Variants in EPHB1 observed in about 807,000 individuals in gnomAD.
EPHB1 encodes EPH receptor B1.
A neutral mutation model predicts 94.4 loss-of-function variants in EPHB1; 30 were observed. The ratio of observed to expected loss-of-function variants is 0.32; its 90% CI spans 0.24 to 0.43. The LOEUF is 0.43. EPHB1 is among the 20% of genes least tolerant of loss of function. The probability of loss-of-function intolerance (pLI) is 1.00; values close to 1 mark genes in which losing one functional copy is unlikely to be tolerated. For missense variants in EPHB1, 1,055 were observed against 1,308.3 expected (o/e 0.81, Z 2.99); for synonymous variants, 522 against 489.1 (o/e 1.07, Z -0.89).
intron 3 of EPHB1, among the ~76,000 whole-genome samples, chr3:135,105,763 G>A (rs949484587): frequency 6.6e-6 from 1 of 152,162 alleles, no homozygotes; most frequent in Non-Finnish European, 1.5e-5. Context: ...ACGTTCCCTG[G>A]TGTGCTGTCT....
At chr3:134,955,103 T>TTTTTTTTTTTTTTTTTTTTA (rs1559770507) in intron 3 of EPHB1, among the ~76,000 whole-genome samples, 1 of 44,510 alleles carries the variant, frequency 2.2e-5, no homozygotes, top group South Asian at 8.6e-4. Flanking sequence ...TTTTTTTTTT[T>TTTTTTTTTTTTTTTTTTTTA]AATTTTTTTT....
chr3:135,223,648 G>A (rs1049100787), intron 12 of EPHB1, among the ~76,000 whole-genome samples: 13 of 152,212 alleles, frequency 8.5e-5, no homozygotes, highest in African/African-American at 2.9e-4. Flanking sequence ...AGCCATGATA[G>A]AGATGTCTTG....
intron 4 of EPHB1, among the ~76,000 whole-genome samples, chr3:135,131,859 C>T (rs371075274): frequency 1.6e-4 from 25 of 152,290 alleles, no homozygotes; most frequent in Non-Finnish European, 3.1e-4. Flanking sequence ...TAGTTGAGAA[C>T]GTGAGCTTTG....
At position 135,028,356 on chromosome 3, in the gene EPHB1, G is replaced by A. The variant is rs1478085420; in HGVS notation, c.805+76304G>A. Among the ~76,000 whole-genome samples the A allele has an allele frequency of 4.7e-3, 666 of 140,442 alleles. 10 individuals are homozygous for A. The highest frequency in any genetic ancestry group is 0.017 in the African/African-American group (638 of 36,650). The allele number at this position is 140,442 out of a possible 152,430, so 92.1% of individuals were successfully genotyped here. A position where few individuals can be genotyped will look rare whatever the true frequency, so the allele number is the denominator to read the frequency against. On this transcript the variant is annotated intron_variant, in intron 3 of 15. Coordinates refer to ENST00000398015, the MANE Select transcript of EPHB1 (RefSeq NM_004441.5). ...TGATCTCTCCTGCTTTCTCTTGTAG[G>A]CATTTAGTGCTATAAATTTCCCTCT...
chr3:134,821,331 C>T (rs2036376776), intron 1 of EPHB1, among the ~76,000 whole-genome samples: 1 of 151,982 alleles, frequency 6.6e-6, no homozygotes, highest in Non-Finnish European at 1.5e-5. Context: ...CTTGAGCGAC[C>T]ATGTTCCAGT....
chr3:134,961,386 T>C (rs1933513012), intron 3 of EPHB1, among the ~76,000 whole-genome samples: 1 of 152,220 alleles, frequency 6.6e-6, no homozygotes, highest in Admixed American at 6.5e-5. Flanking sequence ...CTTCCAGGGA[T>C]GGAACACCGT....
intron 12 of EPHB1, among the ~76,000 whole-genome samples, chr3:135,230,282 C>T (rs941139856): frequency 3.9e-5 from 6 of 152,136 alleles, no homozygotes; most frequent in African/African-American, 1.4e-4. Context: ...ATTGTCCCCT[C>T]CCCACCTGCC....
At chr3:134,845,584 G>A (rs1157748833) in intron 1 of EPHB1, among the ~76,000 whole-genome samples, 4 of 151,498 alleles carry the variant, frequency 2.6e-5, no homozygotes, top group African/African-American at 9.8e-5. Flanking sequence ...CCGTGGCTTC[G>A]AGGTCTCTGA....
intron 1 of EPHB1, among the ~76,000 whole-genome samples, chr3:134,877,923 C>T (rs2037650775): frequency 6.6e-6 from 1 of 152,206 alleles, no homozygotes; most frequent in Non-Finnish European, 1.5e-5. Flanking sequence ...CCAGAGCCTC[C>T]AGTGCTATCT....
chr3:135,179,297 C>T (rs1054506513), intron 9 of EPHB1, among the ~76,000 whole-genome samples: 1 of 152,058 alleles, frequency 6.6e-6, no homozygotes, highest in African/African-American at 2.4e-5. Flanking sequence ...AAGCTTTTCT[C>T]TTCACATTTT....
chr3:134,912,496 G>A (rs556043293), intron 1 of EPHB1, among the ~76,000 whole-genome samples: 44 of 152,332 alleles, frequency 2.9e-4, no homozygotes, highest in Non-Finnish European at 5.4e-4. Context: ...TCTGGACCCC[G>A]GCATGCCTGT....
Position 135,249,484 on chromosome 3 carries a change from A to ACATCAGAGTAAGTCATCT in EPHB1, c.2846+6_2846+7insCATCTCATCAGAGTAAGT. 1 of 1,613,396 alleles carries ACATCAGAGTAAGTCATCT rather than the reference A, an allele frequency of 6.2e-7. No individual in the cohort carries two copies. The highest frequency in any genetic ancestry group is 8.5e-7 in the Non-Finnish European group (1 of 1,179,564). ...CTCCCTCCAGCTGGTCACCCAGATG[A>ACATCAGAGTAAGTCATCT]CATCAGAGTAAGTGATGAGAATCTC... On this transcript the variant is annotated stop_gained and inframe_insertion, in exon 15 of 16. Coordinates refer to ENST00000398015, the MANE Select transcript of EPHB1 (RefSeq NM_004441.5). LOFTEE classifies it high-confidence loss of function.
chr3:134,818,525 C>T (rs1016935245), intron 1 of EPHB1, among the ~76,000 whole-genome samples: 2 of 152,178 alleles, frequency 1.3e-5, no homozygotes, highest in South Asian at 4.1e-4. Flanking sequence ...CCCTTGCCCC[C>T]CTTCAACTCT....
At chr3:135,068,050 T>C (rs956349962) in intron 3 of EPHB1, 1 of 152,266 alleles carries the variant, frequency 6.6e-6, no homozygotes, top group African/African-American at 2.4e-5. Flanking sequence ...CTCACAGTAT[T>C]TGGGGTGTCT....
intron 4 of EPHB1, among the ~76,000 whole-genome samples, chr3:135,120,746 G>A (rs1489916830): frequency 1.3e-5 from 2 of 152,202 alleles, no homozygotes; most frequent in Non-Finnish European, 2.9e-5. Context: ...GCGTAAGCCA[G>A]TGCCTGGAAG....
chr3:135,056,905 A>G (rs992131235), intron 3 of EPHB1, among the ~76,000 whole-genome samples: 9 of 152,082 alleles, frequency 5.9e-5, no homozygotes, highest in African/African-American at 2.2e-4. Context: ...TTCTTACCCA[A>G]GTGCGTGTTA....
At chr3:135,169,298 C>T (rs956743266) in intron 9 of EPHB1, among the ~76,000 whole-genome samples, 17 of 152,176 alleles carry the variant, frequency 1.1e-4, no homozygotes, top group Admixed American at 9.8e-4. Flanking sequence ...AGTCGCCATT[C>T]CTGGGACTCA....
chr3:135,063,404 C>T (rs1190134041), intron 3 of EPHB1, among the ~76,000 whole-genome samples: 3 of 152,130 alleles, frequency 2.0e-5, no homozygotes, highest in African/African-American at 7.2e-5. Context: ...TCTTTCACCT[C>T]CTTGGTTATG....
At chr3:135,076,234 G>GATAT (rs60727518) in intron 3 of EPHB1, among the ~76,000 whole-genome samples, 9,776 of 130,878 alleles carry the variant, frequency 0.075, 590 homozygotes, top group East Asian at 0.28. Context: ...TCTGAAAAGG[G>GATAT]ATATATATAT....
Sources: gnomAD v4.1 joint callset for allele counts (sites outside exome capture counted in the v4.1 genomes callset) on GRCh38, gnomAD v4.1.1 for gene constraint, MANE v1.5 for transcripts, NCBI Gene and HGNC (gene_info 2026-07-23, HGNC 2026-07-21) for gene names.